Variants in LRRC27 observed in about 807,000 individuals in gnomAD.
LRRC27 encodes the protein leucine-rich repeat-containing protein 27.
In LRRC27, 57 loss-of-function variants were observed where a neutral mutation model predicts 55.0. The ratio of observed to expected loss-of-function variants is 1.04; its 90% confidence interval spans 0.84 to 1.29. The LOEUF is 1.29. Among genes scored for constraint, LRRC27 ranks in the 50% most tolerant of loss-of-function variants. LRRC27 has a pLI of 0.00. For synonymous variants in LRRC27, 278 were observed against 251.9 expected (o/e 1.10, Z -0.98); for missense variants, 721 against 651.5 (o/e 1.11, Z -1.16).
chr10:132,343,115 C>T, intron 4 of LRRC27, among the ~76,000 whole-genome samples: 1 of 152,068 alleles, frequency 6.6e-6, no homozygotes. Flanking sequence ...TGAAACCAGC[C>T]TGGGTAACAT....
chr10:132,342,575 C>T (rs1039683949), intron 4 of LRRC27, among the ~76,000 whole-genome samples: 11 of 152,192 alleles, frequency 7.2e-5, no homozygotes, highest in African/African-American at 1.7e-4. Context: ...GTGCTGTCTC[C>T]GCTGCATCTC....
Position 132,370,994 on chromosome 10 carries a change from G to A in LRRC27, c.1417-4072G>A, listed in dbSNP as rs150781057. Among the ~76,000 whole-genome samples, 828 of 152,352 alleles carry A rather than the reference G, an allele frequency of 5.4e-3. 7 individuals carry two copies. Among genetic ancestry groups the A allele is most frequent in the Non-Finnish European group, 9.3e-3 (634 of 68,034 alleles). On this transcript the variant is annotated intron_variant, in intron 10 of 10. Coordinates refer to ENST00000368614, the MANE Select transcript of LRRC27 (RefSeq NM_030626.3). Reference sequence around the variant, plus strand: ...AGCGTTAGAGACGAGTCCTGGCTCCGTGGCTGTGTGGCCCACCAGCCTGCC... The same window carrying A: ...AGCGTTAGAGACGAGTCCTGGCTCCATGGCTGTGTGGCCCACCAGCCTGCC...
In LRRC27 at chr10:132,344,977, G is replaced by A. The variant is rs112265238; in HGVS notation, c.553+327G>A. 379 of 212,032 alleles carry A rather than the reference G, an allele frequency of 1.8e-3. 2 individuals carry two copies. Among genetic ancestry groups the A allele is most frequent in the African/African-American group, 7.9e-3 (356 of 44,928 alleles). The allele number at this position is 212,032 out of a possible 1,614,324, so 13.1% of individuals were successfully genotyped here. A position where few individuals can be genotyped will look rare whatever the true frequency, so the allele number is the denominator to read the frequency against. ...CAGGAATGACTTGATGCTGCATTAG[G>A]CAGCTATTTTAAAATAAGTACAATG... On this transcript the variant is annotated intron_variant, in intron 5 of 10. Coordinates refer to ENST00000368614, the MANE Select transcript of LRRC27 (RefSeq NM_030626.3).
chr10:132,364,526 CACCCACACTTAA>C lies in LRRC27; in HGVS notation c.1290-896_1290-885del, dbSNP rs1450767859. 3.4e-3 allele frequency among the ~76,000 whole-genome samples: 332 copies of C among 98,392 alleles called. 70 individuals are homozygous for C. Among genetic ancestry groups the C allele is most frequent in the East Asian group, 4.5e-3 (14 of 3,092 alleles). The allele number at this position is 98,392 out of a possible 152,430, so 64.5% of individuals were successfully genotyped here. A position where few individuals can be genotyped will look rare whatever the true frequency, so the allele number is the denominator to read the frequency against. ...ACATCTACCTCCACACTCGCACTTACACCCACACTTAAATCTACCTCCACACCCACACTTACA... is the reference window on the plus strand; with the variant it reads ...ACATCTACCTCCACACTCGCACTTACATCTACCTCCACACCCACACTTACA... On this transcript the variant is annotated intron_variant, in intron 9 of 10. Coordinates refer to ENST00000368614, the MANE Select transcript of LRRC27 (RefSeq NM_030626.3).
Position 132,333,504 on chromosome 10 carries a change from G to A in LRRC27, c.-21G>A. ...GACTCCAGACCAAGGAGGATGAGCTGCTGTCCCTGGAAGAGAACGGATGGA... is the reference window on the plus strand; with the variant it reads ...GACTCCAGACCAAGGAGGATGAGCTACTGTCCCTGGAAGAGAACGGATGGA... On this transcript the variant is annotated 5_prime_UTR_variant, in exon 2 of 11. Transcript: ENST00000368614. The A allele has an allele frequency of 6.4e-7, 1 of 1,561,650 alleles. No homozygotes were observed.
intron 9 of LRRC27, among the ~76,000 whole-genome samples, chr10:132,364,069 C>G (rs1371422034): frequency 3.3e-5 from 5 of 151,994 alleles, no homozygotes; most frequent in African/African-American, 1.2e-4. Flanking sequence ...CCCGCTAACC[C>G]CCCATCACCC....
chr10:132,357,882 C>T (rs2068378472), intron 8 of LRRC27, among the ~76,000 whole-genome samples: 3 of 152,188 alleles, frequency 2.0e-5, no homozygotes, highest in Admixed American at 1.3e-4. Context: ...AGAGGCAGAC[C>T]CTCGGCTGTG....
chr10:132,334,639 C>T (rs536226380), intron 2 of LRRC27, among the ~76,000 whole-genome samples: 99 of 152,202 alleles, frequency 6.5e-4, no homozygotes, highest in Non-Finnish European at 1.2e-3. Flanking sequence ...TTTGCTGTCA[C>T]GGCAGCGCTG....
At chr10:132,364,288 C>T (rs139679058) in intron 9 of LRRC27, among the ~76,000 whole-genome samples, 11 of 141,460 alleles carry the variant, frequency 7.8e-5, no homozygotes, top group East Asian at 2.1e-4. Flanking sequence ...TTCACAGTGG[C>T]GCATGCACCC....
chr10:132,364,308 C>A (rs549135677), intron 9 of LRRC27, among the ~76,000 whole-genome samples: 1 of 105,292 alleles, frequency 9.5e-6, no homozygotes, highest in Non-Finnish European at 2.1e-5. Flanking sequence ...CACGCCCGCA[C>A]CAACACCCAC....
intron 2 of LRRC27, chr10:132,336,768 C>A (rs1420336931): frequency 1.3e-6 from 1 of 772,566 alleles, no homozygotes. Flanking sequence ...GATCATTGTT[C>A]CGAACATCTG....
intron 7 of LRRC27, among the ~76,000 whole-genome samples, chr10:132,355,050 G>A (rs1179151140): frequency 2.6e-5 from 4 of 152,326 alleles, no homozygotes; most frequent in Non-Finnish European, 5.9e-5. Flanking sequence ...TGCAGACTGC[G>A]GAGGCCCGAA....
intron 9 of LRRC27, among the ~76,000 whole-genome samples, chr10:132,364,784 G>GCTTACATCTACCTCCACA (rs1564854978): frequency 2.7e-4 from 1 of 3,758 alleles, no homozygotes; most frequent in African/African-American, 5.8e-4. Flanking sequence ...CTACCTCCAC[G>GCTTACATCTACCTCCACA]CCCACACTCA....
Position 132,375,292 on chromosome 10 carries a change from T to G in LRRC27, c.*50T>G. On this transcript the variant is annotated 3_prime_UTR_variant, in exon 11 of 11. Transcript: ENST00000368614. ...ACGTCTTCAGACAGGAGCCGCTCAGTCTTCTTTCCCGGGCGTCGCCTCCTG... is the reference window on the plus strand; with the variant it reads ...ACGTCTTCAGACAGGAGCCGCTCAGGCTTCTTTCCCGGGCGTCGCCTCCTG... 1.9e-6 allele frequency: 3 copies of G among 1,549,302 alleles called. No individual in the cohort carries two copies. Among genetic ancestry groups the G allele is most frequent in the Non-Finnish European group, 2.6e-6 (3 of 1,141,026 alleles).
upstream of LRRC27, chr10:132,330,147 T>A (rs771896600): frequency 3.0e-5 from 11 of 366,594 alleles, no homozygotes; most frequent in Non-Finnish European, 5.2e-5. Flanking sequence ...GGATACAATC[T>A]GGCTGGGCAA....
At chr10:132,362,493 G>T (rs942006449) in intron 9 of LRRC27, among the ~76,000 whole-genome samples, 4 of 152,192 alleles carry the variant, frequency 2.6e-5, no homozygotes. Flanking sequence ...AGCAGAGTCG[G>T]GGCGCAAGGC....
intron 5 of LRRC27, 96 bp from the exon 6 acceptor site, chr10:132,347,888 C>T: frequency 6.9e-7 from 1 of 1,456,280 alleles, no homozygotes. Flanking sequence ...TCTGGGCACC[C>T]CACCCCCCAC....
intron 9 of LRRC27, among the ~76,000 whole-genome samples, chr10:132,363,177 C>G (rs1293587185): frequency 3.0e-5 from 4 of 131,902 alleles, no homozygotes; most frequent in Admixed American, 1.5e-4. Context: ...CATGAACCCT[C>G]TCACCTCACA....
rs1382185468 is a variant in LRRC27 at position 132,375,140 on chromosome 10, C to T, written c.1491C>T (p.Ala497=). Residue 497 remains alanine, a synonymous_variant, in exon 11 of 11, where the codon GCC becomes GCT. Transcript: ENST00000368614. ...TGAACAAAGATCGTCGACGGGCGGC[C>T]CTCACTGGAAACCTTTCGCTTGGCC... ...LTLNKDRRRA[A]LTGNLSLGLP... is the part of the protein sequence containing the mutation. 1.9e-6 allele frequency: 3 copies of T among 1,614,014 alleles called. No homozygotes were observed. The highest frequency in any genetic ancestry group is 2.7e-5 in the African/African-American group (2 of 74,936).
Sources: gnomAD v4.1 joint callset for allele counts (sites outside exome capture counted in the v4.1 genomes callset) on GRCh38, gnomAD v4.1.1 for gene constraint, MANE v1.5 for transcripts, NCBI Gene and HGNC (gene_info 2026-07-23, HGNC 2026-07-21) for gene names.